The following ASXL3 variants were observed in gnomAD, a reference collection of about 807,000 sequenced individuals.
ASXL3 encodes putative Polycomb group protein ASXL3.
In ASXL3, 34 loss-of-function variants were observed where a neutral mutation model predicts 170.6. The ratio of observed to expected loss-of-function variants is 0.20; its 90% CI spans 0.15 to 0.27. ASXL3 has a LOEUF of 0.27. Among genes scored for constraint, ASXL3 ranks in the 10% least tolerant of loss-of-function variants. The probability of loss-of-function intolerance (pLI) is 1.00; values close to 1 mark genes in which losing one functional copy is unlikely to be tolerated. For synonymous variants in ASXL3, 1,002 were observed against 989.1 expected, an observed-to-expected ratio of 1.01 and a Z score of -0.24; for missense variants, 2,592 against 2,695.3, an observed-to-expected ratio of 0.96 and a Z score of 0.85.
At chr18:33,627,264 A>T (rs1384884598) in intron 2 of ASXL3, among the ~76,000 whole-genome samples, 2 of 152,124 alleles carry the variant, frequency 1.3e-5, no homozygotes, top group East Asian at 1.9e-4. Flanking sequence ...TGTCGCTCAC[A>T]TATGTTATTT....
At chr18:33,629,300 A>C (rs972468759) in intron 2 of ASXL3, among the ~76,000 whole-genome samples, 2 of 152,158 alleles carry the variant, frequency 1.3e-5, no homozygotes, top group Non-Finnish European at 2.9e-5. Context: ...GAAAGCTTTA[A>C]GTGGCAATAT....
At chr18:33,735,544 A>G (rs376664223) in intron 10 of ASXL3, among the ~76,000 whole-genome samples, 2 of 152,316 alleles carry the variant, frequency 1.3e-5, no homozygotes, top group African/African-American at 4.8e-5. Flanking sequence ...ATATCACTCA[A>G]GCCTGGCTGC....
At chr18:33,631,578 A>T (rs1236972315) in intron 2 of ASXL3, among the ~76,000 whole-genome samples, 1 of 151,486 alleles carries the variant, frequency 6.6e-6, no homozygotes, top group Non-Finnish European at 1.5e-5. Flanking sequence ...ATAAGAAAAG[A>T]ATATAATATG....
rs779437543 is a variant in ASXL3 at position 33,740,069 on chromosome 18, G to A, written c.2665G>A (p.Gly889Arg). 1.1e-4 allele frequency: 171 copies of A among 1,613,812 alleles called. No homozygotes were observed. Among genetic ancestry groups the A allele is most frequent in the Non-Finnish European group, 1.1e-4 (135 of 1,179,876 alleles). Residue 889 changes from glycine to arginine, a missense_variant, in exon 11 of 12, where the codon GGG becomes AGG. Around this residue, in one of 4 missense-constraint regions of ASXL3, gnomAD observed 2,246 missense variants for 2,219.6 expected, o/e 1.01. Transcript: ENST00000269197. ...SPLELSVFSEGTDNKGNELPS... is the reference protein window; with the variant it reads ...SPLELSVFSERTDNKGNELPS... The stretch of plus-strand genomic sequence containing the variant: ...ATTGGAATTATCTGTCTTTTCTGAA[G>A]GGACAGATAATAAGGGAAATGAGCT...
intron 2 of ASXL3, among the ~76,000 whole-genome samples, chr18:33,634,307 T>A (rs1165086687): frequency 6.6e-6 from 1 of 150,814 alleles, no homozygotes; most frequent in East Asian, 1.9e-4. Flanking sequence ...AATTAACAGT[T>A]GTGGATGTGG....
At chr18:33,645,031 T>C (rs2065898243) in intron 3 of ASXL3, 29 bp downstream of exon 3, 3 of 1,413,720 alleles carry the variant, frequency 2.1e-6, no homozygotes, top group African/African-American at 1.4e-5. Context: ...CATATTGTTA[T>C]TACTATTATC....
chr18:33,684,308 T>C (rs779749429), intron 8 of ASXL3, among the ~76,000 whole-genome samples: 1 of 152,192 alleles, frequency 6.6e-6, no homozygotes, highest in Non-Finnish European at 1.5e-5. Flanking sequence ...TCATTTTCAA[T>C]TGATGGACTT....
chr18:33,648,967 A>G (rs1310100656), intron 4 of ASXL3, among the ~76,000 whole-genome samples: 1 of 152,072 alleles, frequency 6.6e-6, no homozygotes, highest in African/African-American at 2.4e-5. Context: ...GTGGAATGGT[A>G]AGACCATAGC....
At chr18:33,624,365 G>T (rs1432115436) in intron 2 of ASXL3, among the ~76,000 whole-genome samples, 1 of 151,490 alleles carries the variant, frequency 6.6e-6, no homozygotes, top group African/African-American at 2.4e-5. Flanking sequence ...TTCCTAATTT[G>T]CCATGTTTGG....
At chr18:33,660,907 C>A (rs527477577) in intron 4 of ASXL3, among the ~76,000 whole-genome samples, 2 of 152,212 alleles carry the variant, frequency 1.3e-5, no homozygotes, top group African/African-American at 4.8e-5. Context: ...TACTTGGTCA[C>A]CCAAGTCAGT....
rs546558646 is a variant in ASXL3, at chr18:33,617,926, T to C, written c.137+10250T>C. On this transcript the variant is annotated intron_variant, in intron 2 of 11. Transcript: ENST00000269197. ...TAACTGGGATGATTTTATTTAATTT[T>C]TTTTCTAAGTGGAGCTCTTCTCTTC... Among the ~76,000 whole-genome samples, 25 of 152,260 alleles carry C rather than the reference T, an allele frequency of 1.6e-4. 1 individual carries two copies. Among genetic ancestry groups the C allele is most frequent in the African/African-American group, 6.0e-4 (25 of 41,566 alleles).
chr18:33,669,925 A>G (rs2066313560), intron 5 of ASXL3, among the ~76,000 whole-genome samples: 1 of 152,170 alleles, frequency 6.6e-6, no homozygotes, highest in Non-Finnish European at 1.5e-5. Flanking sequence ...AAACTTTTAA[A>G]TGTCTTTTAT....
At chr18:33,730,238 C>T (rs987824884) in intron 8 of ASXL3, among the ~76,000 whole-genome samples, 2 of 151,996 alleles carry the variant, frequency 1.3e-5, no homozygotes, top group African/African-American at 4.8e-5. Flanking sequence ...GGACATGCCC[C>T]CACTAAAAAG....
chr18:33,650,045 A>G (rs1247786322), intron 4 of ASXL3, among the ~76,000 whole-genome samples: 1 of 152,076 alleles, frequency 6.6e-6, no homozygotes, highest in Non-Finnish European at 1.5e-5. Context: ...GACTGGGTCC[A>G]CCTGGAAAAA....
chr18:33,714,992 A>G (rs1451587524), intron 8 of ASXL3, among the ~76,000 whole-genome samples: 1 of 152,176 alleles, frequency 6.6e-6, no homozygotes, highest in Non-Finnish European at 1.5e-5. Flanking sequence ...AATCCCAGTG[A>G]GAGTGAACGA....
chr18:33,663,726 A>G (rs1026814225), intron 5 of ASXL3, among the ~76,000 whole-genome samples: 6 of 152,140 alleles, frequency 3.9e-5, no homozygotes, highest in Non-Finnish European at 8.8e-5. Flanking sequence ...TCAAATTCAG[A>G]TTGGAAATAT....
intron 4 of ASXL3, among the ~76,000 whole-genome samples, chr18:33,657,042 C>T (rs2066095529): frequency 6.6e-6 from 1 of 152,106 alleles, no homozygotes; most frequent in African/African-American, 2.4e-5. Context: ...GTTTCCAAGC[C>T]TGTGGCTGCT....
At chr18:33,683,994 C>T (rs189530385) in intron 8 of ASXL3, among the ~76,000 whole-genome samples, 2 of 152,246 alleles carry the variant, frequency 1.3e-5, no homozygotes, top group African/African-American at 4.8e-5. Context: ...TTTGCAATTG[C>T]TCTCTGAGAG....
At chr18:33,600,996 C>G (rs1174064847) in intron 1 of ASXL3, among the ~76,000 whole-genome samples, 1 of 152,066 alleles carries the variant, frequency 6.6e-6, no homozygotes, top group Non-Finnish European at 1.5e-5. Flanking sequence ...CTTTAGTATG[C>G]TCTTCTTCCT....
Sources: allele counts gnomAD v4.1 joint callset (sites outside exome capture counted in the v4.1 genomes callset), GRCh38; gene constraint gnomAD v4.1.1; regional missense constraint gnomAD v4.1.1; transcripts MANE v1.5; gene names NCBI Gene and HGNC (gene_info 2026-07-23, HGNC 2026-07-21).